The following MED13 variants were observed in gnomAD, a reference collection of about 807,000 sequenced individuals.
MED13 encodes mediator of RNA polymerase II transcription subunit 13.
Under a neutral mutation model 225.2 loss-of-function variants are expected in MED13, and 23 were observed. The ratio of observed to expected loss-of-function variants is 0.10; its 90% CI spans 0.07 to 0.14. The LOEUF (loss-of-function observed/expected upper bound fraction) is 0.14, where lower values mean the gene tolerates loss of function less well. Among genes scored for constraint, MED13 ranks in the 10% least tolerant of loss-of-function variants. MED13 has a pLI of 1.00. For synonymous variants in MED13, 942 were observed against 889.2 expected, an observed-to-expected ratio of 1.06 and a Z score of -1.06; for missense variants, 2,197 against 2,594.5, an observed-to-expected ratio of 0.85 and a Z score of 3.33.
chr17:62,018,961 T>C (rs1356845503), intron 8 of MED13, among the ~76,000 whole-genome samples: 1 of 152,210 alleles, frequency 6.6e-6, no homozygotes, highest in African/African-American at 2.4e-5. Flanking sequence ...AAAGATCCAT[T>C]CAGTTATTAG....
intron 9 of MED13, among the ~76,000 whole-genome samples, chr17:61,998,362 ATTC>A (rs1163362705): frequency 6.6e-6 from 1 of 152,214 alleles, no homozygotes; most frequent in African/African-American, 2.4e-5. Flanking sequence ...GCATTATATT[ATTC>A]ATTAATTGCA....
chr17:61,993,196 CTT>C (rs1267367816), intron 10 of MED13, among the ~76,000 whole-genome samples: 2 of 127,424 alleles, frequency 1.6e-5, no homozygotes, highest in African/African-American at 7.2e-5. Flanking sequence ...TTCTTTCTTT[CTT>C]TCTTTTTTTT....
At chr17:62,063,798 A>C (rs1315644125) in intron 1 of MED13, among the ~76,000 whole-genome samples, 1 of 152,242 alleles carries the variant, frequency 6.6e-6, no homozygotes, top group Non-Finnish European at 1.5e-5. Flanking sequence ...CGGAAAAGTC[A>C]AATAGCTACT....
intron 16 of MED13, among the ~76,000 whole-genome samples, chr17:61,977,873 G>A (rs1004593295): frequency 6.6e-6 from 1 of 152,144 alleles, no homozygotes; most frequent in African/African-American, 2.4e-5. Context: ...TTACAGAGGT[G>A]AGCCATGGTG....
chr17:62,036,203 A>G (rs1277911318), intron 3 of MED13, among the ~76,000 whole-genome samples: 1 of 152,076 alleles, frequency 6.6e-6, no homozygotes, highest in Non-Finnish European at 1.5e-5. Flanking sequence ...CCCTCTATAT[A>G]AGAAACTATA....
rs564954273 is a variant in MED13 at position 61,972,549 on chromosome 17, G to A, written c.3967+178C>T. On this transcript the variant is annotated intron_variant, in intron 17 of 29. Transcript: ENST00000397786. Reference sequence around the variant, plus strand: ...CCACTCCTTTTGAAGTGGAGTTGGAGAGTTGAGTAAGCTGAATGTTGGAAA... The same window carrying A: ...CCACTCCTTTTGAAGTGGAGTTGGAAAGTTGAGTAAGCTGAATGTTGGAAA... Among the ~76,000 whole-genome samples the A allele has an allele frequency of 7.1e-4, 108 of 152,224 alleles. 1 individual carries two copies. Among genetic ancestry groups the A allele is most frequent in the African/African-American group, 2.5e-3 (104 of 41,554 alleles).
intron 3 of MED13, among the ~76,000 whole-genome samples, chr17:62,037,663 T>C (rs2080815938): frequency 9.0e-6 from 1 of 110,674 alleles, no homozygotes; most frequent in African/African-American, 3.7e-5. Context: ...CAAGACTCCA[T>C]CTCAAAAAAA....
chr17:62,056,346 A>C (rs935423992), intron 2 of MED13, among the ~76,000 whole-genome samples: 1 of 152,240 alleles, frequency 6.6e-6, no homozygotes, highest in Non-Finnish European at 1.5e-5. Flanking sequence ...CAAGTTCTTG[A>C]ATCTCAACAC....
intron 16 of MED13, among the ~76,000 whole-genome samples, chr17:61,975,403 ATAC>A (rs1458126895): frequency 6.6e-6 from 1 of 152,256 alleles, no homozygotes; most frequent in Non-Finnish European, 1.5e-5. Flanking sequence ...CCACAATGAG[ATAC>A]TACTTCACAC....
intron 16 of MED13, among the ~76,000 whole-genome samples, chr17:61,974,309 TGGGA>T (rs142845424): frequency 0.013 from 1,997 of 152,080 alleles, 42 homozygotes; most frequent in African/African-American, 0.046. Flanking sequence ...GAGACTGAAG[TGGGA>T]GGATCACTTG....
At chr17:62,027,419 T>G (rs1567987252) in intron 8 of MED13, among the ~76,000 whole-genome samples, 1 of 152,036 alleles carries the variant, frequency 6.6e-6, no homozygotes, top group Non-Finnish European at 1.5e-5. Context: ...CCTTAATACA[T>G]AAACATCAAC....
At position 62,029,638 on chromosome 17, in the gene MED13, C is replaced by A; in HGVS notation, c.1186G>T (p.Ala396Ser). Reference sequence around the variant, plus strand: ...TCTTCGCATAGACCACCTGATGAAGCAGAATACTTCCTCCTAAGATTTAAA... The same window carrying A: ...TCTTCGCATAGACCACCTGATGAAGAAGAATACTTCCTCCTAAGATTTAAA... ...NRAQNKRKYS[A>S]SSGGLCEEAT... The change falls in exon 8 of 30, where the codon GCT (alanine) becomes TCT (serine). Residue 396 changes from alanine (A) to serine (S), a missense_variant. Transcript: ENST00000397786. 6.2e-7 allele frequency: 1 copy of A among 1,612,034 alleles called. No individual in the cohort carries two copies. Among genetic ancestry groups the A allele is most frequent in the Non-Finnish European group, 8.5e-7 (1 of 1,178,968 alleles).
At chr17:62,050,118 G>A (rs1413163891) in intron 3 of MED13, among the ~76,000 whole-genome samples, 1 of 152,076 alleles carries the variant, frequency 6.6e-6, no homozygotes, top group Non-Finnish European at 1.5e-5. Flanking sequence ...CAGCACTTTG[G>A]GAGGTCAAGG....
In MED13 at chr17:62,027,716, T is replaced by TA. The variant is rs2080715889; in HGVS notation, c.1283+1824dup. ...CTAATATCCAGTATCTAAAAAAACT[T>TA]AAATTTATATATAAAAAAAATCCTG... On this transcript the variant is annotated intron_variant, in intron 8 of 29. Transcript: ENST00000397786. Among the ~76,000 whole-genome samples the TA allele has an allele frequency of 3.3e-5, 5 of 152,152 alleles. No homozygotes were observed. The South Asian group carries it at 1.0e-3, about 32-fold the overall frequency.
chr17:61,943,304 T>C lies in MED13; in HGVS notation c.*3164A>G, dbSNP rs2079828425. On this transcript the variant is annotated 3_prime_UTR_variant, in exon 30 of 30. Transcript: ENST00000397786. ...AGTGGATGAATAGCAAATTATATGA[T>C]GCAATAGCATTTAAAAACTTTTTAA... 1 of 152,604 alleles carries C rather than the reference T, an allele frequency of 6.6e-6. No individual in the cohort carries two copies. Among genetic ancestry groups the C allele is most frequent in the Admixed American group, 6.5e-5 (1 of 15,274 alleles). The allele number at this position is 152,604 out of a possible 1,614,324, so 9.5% of individuals were successfully genotyped here.
intron 9 of MED13, chr17:62,004,036 G>A (rs2143556055): frequency 6.6e-6 from 1 of 152,144 alleles, no homozygotes; most frequent in Admixed American, 6.5e-5. Context: ...AATACAATGT[G>A]CCCACAAAAA....
intron 19 of MED13, among the ~76,000 whole-genome samples, chr17:61,966,104 T>G (rs1283876912): frequency 6.6e-6 from 1 of 152,214 alleles, no homozygotes; most frequent in Non-Finnish European, 1.5e-5. Flanking sequence ...TAACTATAAA[T>G]TATTTTATCT....
At chr17:61,976,486 C>G (rs1389212046) in intron 16 of MED13, among the ~76,000 whole-genome samples, 1 of 152,216 alleles carries the variant, frequency 6.6e-6, no homozygotes, top group South Asian at 2.1e-4. Flanking sequence ...GTGTTGATGA[C>G]TGTCCAACTC....
intron 3 of MED13, among the ~76,000 whole-genome samples, chr17:62,047,521 A>C (rs1056392683): frequency 6.6e-6 from 1 of 152,112 alleles, no homozygotes; most frequent in Non-Finnish European, 1.5e-5. Flanking sequence ...ACATGGACAC[A>C]GGGAGGGGAA....
Sources: allele counts gnomAD v4.1 joint callset (sites outside exome capture counted in the v4.1 genomes callset), GRCh38; gene constraint gnomAD v4.1.1; transcripts MANE v1.5; gene names NCBI Gene and HGNC (gene_info 2026-07-23, HGNC 2026-07-21).